Variants in OGT observed in about 807,000 individuals in gnomAD.
OGT encodes O-linked N-acetylglucosamine (GlcNAc) transferase, also known as UDP-N-acetylglucosamine--peptide N-acetylglucosaminyltransferase 110 kDa subunit.
OGT carries 3 observed loss-of-function variants against 75.8 expected under a neutral mutation model. The observed-to-expected ratio is 0.04, with a 90% CI of 0.02 to 0.10. OGT has a LOEUF of 0.10. OGT is among the 10% of genes least tolerant of loss of function. OGT has a pLI of 1.00. For synonymous variants in OGT, 257 were observed against 289.7 expected (o/e 0.89, Z 1.15); for missense variants, 260 against 824.4 (o/e 0.32, Z 8.38).
chrX:71,563,315 C>A lies in OGT; in HGVS notation c.2266-14C>A. On this transcript the variant is annotated splice_polypyrimidine_tract_variant and intron_variant, in intron 17 of 21. Transcript: ENST00000373719. ...ATTCACGATCTTTTCCCTAATGATG[C>A]ATTTTTTTTTCAGATGAAGTGTCCT... 1 of 1,200,441 alleles carries A rather than the reference C, an allele frequency of 8.3e-7. No individual in the cohort carries two copies. The highest frequency in any genetic ancestry group is 1.1e-6 in the Non-Finnish European group (1 of 886,523).
chrX:71,560,550 TACAC>T (rs1429160217), intron 14 of OGT, among the ~76,000 whole-genome samples: 2 of 111,845 alleles, frequency 1.8e-5, no homozygotes, highest in Admixed American at 9.5e-5. Context: ...TGTATGTACA[TACAC>T]ATGCAGGTAT....
rs1602146894 is a variant in OGT at position 71,554,451 on chromosome X, G to T, written c.649-62G>T. 8.9e-6 allele frequency: 7 copies of T among 784,623 alleles called. No individual in the cohort carries two copies. The East Asian group carries it at 2.2e-4, about 25-fold the overall frequency. 64.7% of individuals were successfully genotyped at this position (784,623 alleles called of 1,213,427 possible). A position where few individuals can be genotyped will look rare whatever the true frequency, so the allele number is the denominator to read the frequency against. ...ACCTTGGAGTAAAAAAATTGTAATT[G>T]GGAAGTTGATCTGGTGAAATCCTAA... On this transcript the variant is annotated intron_variant, in intron 5 of 21. Transcript: ENST00000373719.
chrX:71,544,072 C>T (rs939933711), intron 3 of OGT, among the ~76,000 whole-genome samples: 2 of 110,262 alleles, frequency 1.8e-5, no homozygotes, highest in African/African-American at 6.6e-5. Context: ...AGGCATGAGC[C>T]ACCACGCCCG....
chrX:71,564,428 C>T (rs746604956), intron 18 of OGT, among the ~76,000 whole-genome samples, 173 bp from the exon 19 acceptor site: 6 of 112,139 alleles, frequency 5.4e-5, no homozygotes, highest in Non-Finnish European at 1.1e-4. Context: ...AGTGCAGTCT[C>T]CCCCAACTTA....
chrX:71,536,290 A>G lies in OGT; in HGVS notation c.150A>G (p.Gln50=), dbSNP rs1225983908. The change falls in exon 2 of 22, where the codon CAA becomes CAG. Residue 50 remains glutamine (Q), a synonymous_variant. Transcript: ENST00000373719. ...GACACTGCATGCAGCTCTGGAGACA[A>G]GAGCCAGACAATACTGGTGTGCTTT... ...AERHCMQLWR[Q]EPDNTGVLLL... 2.6e-5 allele frequency: 31 copies of G among 1,209,454 alleles called. No homozygotes were observed. The highest frequency in any genetic ancestry group is 3.2e-5 in the Non-Finnish European group (29 of 894,456).
intron 9 of OGT, 76 bp from the exon 10 acceptor site, chrX:71,556,873 TAAC>T (rs2040346754): frequency 4.6e-6 from 5 of 1,096,942 alleles, no homozygotes; most frequent in Non-Finnish European, 6.2e-6. Flanking sequence ...TGGCTTTAAA[TAAC>T]AACGGAATAA....
intron 5 of OGT, among the ~76,000 whole-genome samples, chrX:71,549,818 G>C (rs1430083053): frequency 9.0e-6 from 1 of 111,266 alleles, no homozygotes; most frequent in African/African-American, 3.3e-5. Context: ...AAAGAAGCAG[G>C]GCTTCTTGGT....
intron 2 of OGT, 28 bp from the exon 3 acceptor site, chrX:71,537,801 A>G: frequency 8.3e-7 from 1 of 1,209,225 alleles, no homozygotes; most frequent in Non-Finnish European, 1.1e-6. Context: ...GTGCATACCC[A>G]TGCATTAACA....
rs191361286 is a variant in OGT, at chrX:71,563,516, A to G, written c.2436+17A>G. The G allele has an allele frequency of 1.1e-3, 1,244 of 1,138,522 alleles. 6 individuals carry two copies. The highest frequency in any genetic ancestry group is 1.1e-3 in the Non-Finnish European group (916 of 842,755). 93.8% of individuals were successfully genotyped at this position (1,138,522 alleles called of 1,213,427 possible). On this transcript the variant is annotated intron_variant, in intron 18 of 21. Transcript: ENST00000373719. ...ACTACTCAGGTGAGAAGATAATAAT[A>G]CACCATTATATGTCCCGCCAAGTAT...
chrX:71,551,938 T>G (rs773416761), intron 5 of OGT, among the ~76,000 whole-genome samples: 55 of 111,220 alleles, frequency 4.9e-4, no homozygotes, highest in Non-Finnish European at 8.1e-4. Context: ...CCGGGTGCGG[T>G]AGCTCACCCC....
intron 3 of OGT, among the ~76,000 whole-genome samples, chrX:71,543,776 A>G (rs865794612): frequency 0.16 from 14,585 of 88,546 alleles, 1,636 homozygotes; most frequent in East Asian, 0.4. Context: ...GTATATATAT[A>G]TATATATATA....
At chrX:71,538,135 ATTTC>A in intron 3 of OGT, 63 bp downstream of exon 3, 3 of 1,130,937 alleles carry the variant, frequency 2.7e-6, no homozygotes, top group Non-Finnish European at 3.6e-6. Flanking sequence ...ATAGTGTGAT[ATTTC>A]AGACACTAAA....
At chrX:71,549,252 C>T (rs770952292) in intron 5 of OGT, among the ~76,000 whole-genome samples, 54 of 85,310 alleles carry the variant, frequency 6.3e-4, no homozygotes, top group African/African-American at 4.7e-4. Context: ...ACCAAGATTG[C>T]ACCACTGCAC....
chrX:71,569,148 T>C (rs1464932854), intron 21 of OGT, among the ~76,000 whole-genome samples: 5 of 111,185 alleles, frequency 4.5e-5, no homozygotes, highest in African/African-American at 1.6e-4. Context: ...GCTAACACGG[T>C]GAAACCCCCC....
At chrX:71,547,367 G>C (rs776675535) in intron 4 of OGT, 195 of 693,701 alleles carry the variant, frequency 2.8e-4, no homozygotes, top group South Asian at 3.7e-4. Context: ...TAAGTTCAGG[G>C]AACCCTGTTA....
rs1361688219 is a variant in OGT at position 71,550,052 on chromosome X, A to G, written c.648+2029A>G. Among the ~76,000 whole-genome samples the G allele has an allele frequency of 3.6e-5, 4 of 112,304 alleles. No homozygotes were observed. The East Asian group carries it at 1.1e-3, about 31-fold the overall frequency. The stretch of plus-strand genomic sequence containing the variant: ...CAAGTATGTTTAAATCTATGAGCTT[A>G]TAATTATGCTAAAAAATTCATTGGT... On this transcript the variant is annotated intron_variant, in intron 5 of 21. Coordinates refer to ENST00000373719, the MANE Select transcript of OGT (RefSeq NM_181672.3).
At chrX:71,552,288 T>C (rs2040311050) in intron 5 of OGT, among the ~76,000 whole-genome samples, 1 of 111,551 alleles carries the variant, frequency 9.0e-6, no homozygotes, top group Admixed American at 9.5e-5. Flanking sequence ...CACACAAACT[T>C]TTAAAGGATT....
intron 19 of OGT, among the ~76,000 whole-genome samples, chrX:71,565,557 G>A (rs1488407012): frequency 1.8e-5 from 2 of 111,988 alleles, no homozygotes; most frequent in African/African-American, 6.5e-5. Context: ...TTCAAGAGAT[G>A]TAGATTTTTC....
chrX:71,545,894 G>A (rs145151229), intron 4 of OGT: 4 of 113,028 alleles, frequency 3.5e-5, no homozygotes, highest in Middle Eastern at 4.6e-3. Flanking sequence ...TTTAGAGATC[G>A]GTTTAGGCTG....
Sources: allele counts gnomAD v4.1 joint callset (sites outside exome capture counted in the v4.1 genomes callset), GRCh38; gene constraint gnomAD v4.1.1; transcripts MANE v1.5; gene names NCBI Gene and HGNC (gene_info 2026-07-23, HGNC 2026-07-21).